MYCBP2: variants seen among roughly 807,000 people sequenced by gnomAD.
MYCBP2 encodes the protein MYC binding protein 2.
In MYCBP2, 120 loss-of-function variants were observed where a neutral mutation model predicts 525.3. The ratio of observed to expected loss-of-function variants is 0.23; its 90% CI spans 0.20 to 0.27. MYCBP2 has a LOEUF of 0.27. Among genes scored for constraint, MYCBP2 ranks in the 10% least tolerant of loss-of-function variants. The pLI is 1.00. For missense variants in MYCBP2, 4,149 were observed against 5,657.1 expected, an observed-to-expected ratio of 0.73 and a Z score of 8.55; for synonymous variants, 1,894 against 1,955.8, an observed-to-expected ratio of 0.97 and a Z score of 0.83.
At position 77,177,752 on chromosome 13, in the gene MYCBP2, T is replaced by C; in HGVS notation, c.5336A>G (p.Asp1779Gly). ...IHEYELEVLV[D>G]DSEHAGDSTH... ...TACTAAAAGGGTGATACTTACATCA[T>C]CAACCAACACCTCTAATTCATATTC... Residue 1779 changes from aspartate to glycine, a missense_variant, in exon 35 of 83, where the codon GAT becomes GGT. Transcript: ENST00000544440. 1.2e-6 allele frequency: 2 copies of C among 1,609,364 alleles called. No individual in the cohort carries two copies.
intron 46 of MYCBP2, 37 bp from the exon 47 acceptor site, chr13:77,150,986 ATTT>A (rs1484195143): frequency 1.3e-6 from 2 of 1,514,648 alleles, no homozygotes; most frequent in Non-Finnish European, 1.8e-6. Context: ...TACCATTATT[ATTT>A]AATTGTCACT....
intron 44 of MYCBP2, among the ~76,000 whole-genome samples, chr13:77,159,714 C>T (rs1317519531): frequency 6.6e-6 from 1 of 152,024 alleles, no homozygotes; most frequent in Non-Finnish European, 1.5e-5. Context: ...TGCCTTCTGC[C>T]ATGATTGTAA....
rs1437812578 is a variant in MYCBP2 at position 77,176,520 on chromosome 13, G to A, written c.5449C>T (p.Leu1817Phe). 1.3e-6 allele frequency: 2 copies of A among 1,584,448 alleles called. No homozygotes were observed. Among genetic ancestry groups the A allele is most frequent in the African/African-American group, 2.7e-5 (2 of 74,472 alleles). The change falls in exon 36 of 83, where the codon CTT becomes TTT. Residue 1817 changes from leucine (L) to phenylalanine (F), a missense_variant. Coordinates refer to ENST00000544440, the MANE Select transcript of MYCBP2 (RefSeq NM_015057.5). ...DSPSDIAEIR[L>F]DKVVPLKENV... ...ACCTTTAAAGGAACCACTTTGTCAA[G>A]TCTGATCTCAGCTATATCACTGGGT...
chr13:77,088,849 G>C lies in MYCBP2; in HGVS notation c.10708C>G (p.Arg3570Gly). The C allele has an allele frequency of 1.9e-6, 3 of 1,611,740 alleles. No individual in the cohort carries two copies. The highest frequency in any genetic ancestry group is 2.5e-6 in the Non-Finnish European group (3 of 1,178,532). Residue 3570 changes from arginine to glycine, a missense_variant, in exon 61 of 83, where the codon CGA (arginine) becomes GGA (glycine). Coordinates refer to ENST00000544440, the MANE Select transcript of MYCBP2 (RefSeq NM_015057.5). ...CTTCATACCTCCATAGCAAAAACTC[G>C]ACAAGCAGATTTCCTTAGGGCCTGT... ...MKQALRKSAC[R>G]VFAMEAFNWL...
intron 5 of MYCBP2, among the ~76,000 whole-genome samples, chr13:77,270,906 G>A (rs1396227351): frequency 1.3e-5 from 2 of 151,392 alleles, no homozygotes; most frequent in Admixed American, 6.6e-5. Context: ...TTGTCTCTCT[G>A]TTGCATTCTA....
chr13:77,266,594 G>C (rs978851098), intron 8 of MYCBP2, among the ~76,000 whole-genome samples: 1 of 151,198 alleles, frequency 6.6e-6, no homozygotes, highest in African/African-American at 2.4e-5. Flanking sequence ...ATTCTTTTTT[G>C]TTCATATGAT....
At chr13:77,245,722 CATGT>C (rs1168598913) in intron 15 of MYCBP2, among the ~76,000 whole-genome samples, 1 of 146,220 alleles carries the variant, frequency 6.8e-6, no homozygotes, top group African/African-American at 2.5e-5. Flanking sequence ...ACGTTCTGCA[CATGT>C]ATCCCAGAAC....
intron 42 of MYCBP2, among the ~76,000 whole-genome samples, 158 bp from the exon 43 acceptor site, chr13:77,164,699 T>C (rs2058333850): frequency 1.3e-5 from 2 of 152,226 alleles, no homozygotes; most frequent in African/African-American, 4.8e-5. Context: ...CAGTACTCAA[T>C]GTTGTGGCTC....
At chr13:77,184,884 T>G (rs1472831945) in intron 32 of MYCBP2, among the ~76,000 whole-genome samples, 2 of 152,186 alleles carry the variant, frequency 1.3e-5, no homozygotes, top group Non-Finnish European at 2.9e-5. Context: ...CAAAAACCAA[T>G]CAGCAACTGC....
Position 77,326,504 on chromosome 13 carries a change from C to T in MYCBP2, c.272G>A (p.Gly91Glu). ...GGCTGGGTGTCCAGCGCTGCCGCCC[C>T]CCTGGTCCCTGTCATTGAGCGCAGC... ...YTAALNDRDQGGGSAGHPASR... is the reference protein window; with the variant it reads ...YTAALNDRDQEGGSAGHPASR... Residue 91 changes from glycine to glutamate, a missense_variant, in exon 1 of 83, where the codon GGG becomes GAG. Around this residue, in one of 21 missense-constraint regions of MYCBP2, gnomAD observed 413 missense variants for 451.2 expected, o/e 0.92. Transcript: ENST00000544440. This position sits in a 1 kb window ranked among gnomAD's most constrained non-coding sequence, Gnocchi z 4.2. The T allele has an allele frequency of 6.3e-7, 1 of 1,591,952 alleles. No individual in the cohort carries two copies. Among genetic ancestry groups the T allele is most frequent in the South Asian group, 1.1e-5 (1 of 90,028 alleles).
intron 46 of MYCBP2, among the ~76,000 whole-genome samples, chr13:77,152,745 T>C (rs2056659548): frequency 6.6e-6 from 1 of 152,130 alleles, no homozygotes; most frequent in Admixed American, 6.5e-5. Flanking sequence ...GCTCCCCTTC[T>C]GCTGAGAGCC....
Position 77,067,787 on chromosome 13 carries a change from G to C in MYCBP2, c.12249C>G (p.Leu4083=). 1 of 1,614,106 alleles carries C rather than the reference G, an allele frequency of 6.2e-7. No homozygotes were observed. Among genetic ancestry groups the C allele is most frequent in the Non-Finnish European group, 8.5e-7 (1 of 1,179,968 alleles). Residue 4083 remains leucine (L), a synonymous_variant, in exon 71 of 83, where the codon CTC becomes CTG. Coordinates refer to ENST00000544440, the MANE Select transcript of MYCBP2 (RefSeq NM_015057.5). ...RLASIIGVKS[L]PPADISDIIH... ...TGATATCACTGATATCTGCTGGGGG[G>C]AGGGATTTCACTCCTATGATGCTGG...
At chr13:77,254,158 T>C (rs947604561) in intron 14 of MYCBP2, among the ~76,000 whole-genome samples, 3 of 151,838 alleles carry the variant, frequency 2.0e-5, no homozygotes, top group African/African-American at 4.8e-5. Context: ...TTAACACTTA[T>C]AAAAACACAT....
intron 55 of MYCBP2, among the ~76,000 whole-genome samples, chr13:77,117,276 C>G (rs954533696): frequency 6.6e-6 from 1 of 151,888 alleles, no homozygotes; most frequent in Non-Finnish European, 1.5e-5. Flanking sequence ...TATACATGAA[C>G]GAACATGATA....
intron 3 of MYCBP2, among the ~76,000 whole-genome samples, chr13:77,286,306 G>C (rs1334246212): frequency 6.6e-6 from 1 of 152,058 alleles, no homozygotes; most frequent in African/African-American, 2.4e-5. Context: ...AAAGGCAATA[G>C]TCATAAATCA....
At chr13:77,169,181 G>A (rs1181113795) in intron 39 of MYCBP2, among the ~76,000 whole-genome samples, 2 of 152,154 alleles carry the variant, frequency 1.3e-5, no homozygotes, top group African/African-American at 4.8e-5. Context: ...GGGCGAGGCG[G>A]GCGGATCACG....
intron 1 of MYCBP2, among the ~76,000 whole-genome samples, chr13:77,312,498 T>C (rs1335204494): frequency 6.6e-6 from 1 of 152,078 alleles, no homozygotes; most frequent in Non-Finnish European, 1.5e-5. Flanking sequence ...TTCTGTGTTT[T>C]AAGTGAATTA....
intron 55 of MYCBP2, among the ~76,000 whole-genome samples, chr13:77,108,429 C>G (rs1230945313): frequency 6.6e-6 from 1 of 152,098 alleles, no homozygotes; most frequent in Non-Finnish European, 1.5e-5. Flanking sequence ...ATATAAGAGA[C>G]AGGTATTGCT....
At chr13:77,296,970 T>C (rs910833162) in intron 1 of MYCBP2, among the ~76,000 whole-genome samples, 1 of 152,210 alleles carries the variant, frequency 6.6e-6, no homozygotes, top group African/African-American at 2.4e-5. Context: ...AAGTGTTTTA[T>C]ACTTTATCCA....
Sources: allele counts gnomAD v4.1 joint callset (sites outside exome capture counted in the v4.1 genomes callset), GRCh38; gene constraint gnomAD v4.1.1; regional missense constraint gnomAD v4.1.1; non-coding constraint Gnocchi (gnomAD v3.1); transcripts MANE v1.5; gene names NCBI Gene and HGNC (gene_info 2026-07-23, HGNC 2026-07-21).